ANKRD6: variants seen among roughly 807,000 people sequenced by gnomAD.
ANKRD6 encodes ankyrin repeat domain-containing protein 6.
In ANKRD6, 56 loss-of-function variants were observed where a neutral mutation model predicts 82.3. The ratio of observed to expected loss-of-function variants is 0.68; its 90% CI spans 0.55 to 0.85. The LOEUF is 0.85. Ranked by LOEUF, ANKRD6 falls within the 40% of genes least tolerant of loss-of-function variation. The pLI is 0.00. For missense variants in ANKRD6, 852 were observed against 907.6 expected (o/e 0.94, Z 0.79); for synonymous variants, 347 against 352.1 (o/e 0.99, Z 0.16).
chr6:89,441,344 G>A (rs1448994281), intron 1 of ANKRD6, among the ~76,000 whole-genome samples: 1 of 152,054 alleles, frequency 6.6e-6, no homozygotes, highest in African/African-American at 2.4e-5. Context: ...GTACAGACAG[G>A]GTTTGGCCAT....
chr6:89,518,375 C>A (rs1353501180), intron 1 of ANKRD6, among the ~76,000 whole-genome samples: 4 of 150,910 alleles, frequency 2.7e-5, no homozygotes, highest in Non-Finnish European at 5.9e-5. Context: ...GCACTCCACC[C>A]TGGGCAACAA....
At chr6:89,501,771 CTA>C (rs1462808741) in intron 1 of ANKRD6, among the ~76,000 whole-genome samples, 2 of 151,940 alleles carry the variant, frequency 1.3e-5, no homozygotes, top group African/African-American at 4.8e-5. Flanking sequence ...GATGCAGTAA[CTA>C]TGATTCTTAT....
At chr6:89,455,415 A>C (rs1384075288) in intron 1 of ANKRD6, among the ~76,000 whole-genome samples, 1 of 151,998 alleles carries the variant, frequency 6.6e-6, no homozygotes, top group Non-Finnish European at 1.5e-5. Flanking sequence ...GAGGTGCCAT[A>C]TACTTTTAAA....
intron 1 of ANKRD6, among the ~76,000 whole-genome samples, chr6:89,462,529 C>T (rs959382258): frequency 6.6e-6 from 1 of 152,026 alleles, no homozygotes; most frequent in African/African-American, 2.4e-5. Context: ...ACAGTCCTAA[C>T]ACATATAGGA....
chr6:89,609,954 C>CAT lies in ANKRD6; in HGVS notation c.418-2317_418-2316insTA, dbSNP rs551779499. Among the ~76,000 whole-genome samples the CAT allele has an allele frequency of 1.3e-3, 200 of 152,220 alleles. 1 individual carries two copies. Among genetic ancestry groups the CAT allele is most frequent in the Admixed American group, 0.013 (194 of 15,282 alleles). On this transcript the variant is annotated intron_variant, in intron 5 of 15. Transcript: ENST00000339746. ...ATAAAATGGCTTCAGAAGGACAGGT[C>CAT]AGGAAACTCATGCGTCTCAAAGGGA...
intron 2 of ANKRD6, among the ~76,000 whole-genome samples, chr6:89,588,502 TC>T (rs1447890175): frequency 6.6e-6 from 1 of 152,200 alleles, no homozygotes; most frequent in African/African-American, 2.4e-5. Context: ...CCTAAATTCT[TC>T]CCATTACACC....
chr6:89,444,328 C>T (rs1483920500), intron 1 of ANKRD6, among the ~76,000 whole-genome samples: 3 of 152,168 alleles, frequency 2.0e-5, no homozygotes, highest in Admixed American at 1.3e-4. Flanking sequence ...AATCCCCTGG[C>T]ACCTGTTGGA....
chr6:89,594,883 C>T (rs896425622), intron 2 of ANKRD6, among the ~76,000 whole-genome samples: 2 of 152,050 alleles, frequency 1.3e-5, no homozygotes, highest in Non-Finnish European at 2.9e-5. Context: ...GCTGGGACTA[C>T]AGGCACATGC....
chr6:89,520,209 T>C (rs1781728532), intron 1 of ANKRD6, among the ~76,000 whole-genome samples: 1 of 152,196 alleles, frequency 6.6e-6, no homozygotes, highest in Non-Finnish European at 1.5e-5. Flanking sequence ...GATCTTGAAC[T>C]CCTGGGCTCA....
At chr6:89,460,690 C>T (rs1263948340) in intron 1 of ANKRD6, among the ~76,000 whole-genome samples, 1 of 151,938 alleles carries the variant, frequency 6.6e-6, no homozygotes, top group Non-Finnish European at 1.5e-5. Flanking sequence ...GCTGTCTTGG[C>T]CTCCCAAAGT....
chr6:89,510,116 C>T (rs1397010138), intron 1 of ANKRD6, among the ~76,000 whole-genome samples: 1 of 152,194 alleles, frequency 6.6e-6, no homozygotes, highest in Non-Finnish European at 1.5e-5. Context: ...CTCTCTTGCC[C>T]TCTGCTGTGG....
intron 1 of ANKRD6, among the ~76,000 whole-genome samples, chr6:89,526,543 ATC>A (rs1205771557): frequency 1.3e-5 from 2 of 152,226 alleles, no homozygotes; most frequent in Non-Finnish European, 2.9e-5. Context: ...AGTGGTTCAG[ATC>A]TGCAAGAAAC....
chr6:89,555,361 A>G (rs2128040448), intron 1 of ANKRD6, among the ~76,000 whole-genome samples: 1 of 152,172 alleles, frequency 6.6e-6, no homozygotes, highest in South Asian at 2.1e-4. Flanking sequence ...AGATTTTAAA[A>G]ATACATTATT....
At chr6:89,442,560 C>A (rs1771531275) in intron 1 of ANKRD6, among the ~76,000 whole-genome samples, 1 of 149,798 alleles carries the variant, frequency 6.7e-6, no homozygotes, top group Non-Finnish European at 1.5e-5. Flanking sequence ...GAGGTCGAGA[C>A]TCCAGTGAGC....
At chr6:89,451,869 G>A (rs1772865568) in intron 1 of ANKRD6, among the ~76,000 whole-genome samples, 1 of 152,040 alleles carries the variant, frequency 6.6e-6, no homozygotes, top group Non-Finnish European at 1.5e-5. Context: ...TTAATGTCAG[G>A]GACATTTACT....
At chr6:89,546,378 C>A (rs900425705) in intron 1 of ANKRD6, among the ~76,000 whole-genome samples, 2 of 152,106 alleles carry the variant, frequency 1.3e-5, no homozygotes, top group Non-Finnish European at 2.9e-5. Flanking sequence ...GAAAAAGGGA[C>A]AGTGTAACAA....
chr6:89,464,213 G>A (rs1307657831), intron 1 of ANKRD6, among the ~76,000 whole-genome samples: 5 of 151,904 alleles, frequency 3.3e-5, no homozygotes, highest in African/African-American at 1.2e-4. Context: ...ATTTTATCTA[G>A]TAGTCTAAAT....
intron 1 of ANKRD6, among the ~76,000 whole-genome samples, chr6:89,530,341 G>T (rs1782987683): frequency 6.6e-6 from 1 of 152,026 alleles, no homozygotes; most frequent in Admixed American, 6.6e-5. Flanking sequence ...GGAAAAAATG[G>T]TGCTGATACG....
Position 89,567,077 on chromosome 6 carries a change from C to A in ANKRD6, c.101C>A (p.Ala34Asp). 6.2e-7 allele frequency: 1 copy of A among 1,602,204 alleles called. No individual in the cohort carries two copies. The highest frequency in any genetic ancestry group is 8.5e-7 in the Non-Finnish European group (1 of 1,174,102). ...GTGGTTCAGCTCATCAACAAGGGCG[C>A]CAGGGTAGCGGTTACCAAGGTAACA... ...ENVVQLINKG[A>D]RVAVTKHGRT... The change falls in exon 2 of 16, where the codon GCC (alanine) becomes GAC (aspartate). Residue 34 changes from alanine to aspartate, a missense_variant. Ala to Asp is a moderately radical substitution (Grantham distance 126, BLOSUM62 -2). Coordinates refer to ENST00000339746, the MANE Select transcript of ANKRD6 (RefSeq NM_001242809.2).
Sources: allele counts gnomAD v4.1 joint callset (sites outside exome capture counted in the v4.1 genomes callset), GRCh38; gene constraint gnomAD v4.1.1; transcripts MANE v1.5; gene names NCBI Gene and HGNC (gene_info 2026-07-23, HGNC 2026-07-21).